The following ADCY2 variants were observed in gnomAD, a reference collection of about 807,000 sequenced individuals.
The protein encoded by ADCY2 is adenylate cyclase 2, also known as adenylate cyclase type 2.
ADCY2 carries 31 observed loss-of-function variants against 125.2 expected under a neutral mutation model. The observed-to-expected ratio is 0.25, with a 90% CI of 0.19 to 0.33. The LOEUF is 0.33. ADCY2 is among the 10% of genes least tolerant of loss of function. ADCY2 has a pLI of 1.00. For synonymous variants in ADCY2, 512 were observed against 548.4 expected (o/e 0.93, Z 0.93); for missense variants, 904 against 1,418.2 (o/e 0.64, Z 5.82).
At chr5:7,506,747 G>T in intron 2 of ADCY2, among the ~76,000 whole-genome samples, 1 of 148,574 alleles carries the variant, frequency 6.7e-6, no homozygotes, top group Non-Finnish European at 1.5e-5. Context: ...AGTGAAGTTG[G>T]AATATTTGCG....
chr5:7,743,774 T>C (rs781044487), intron 15 of ADCY2, 22 bp downstream of exon 15: 1 of 1,607,274 alleles, frequency 6.2e-7, no homozygotes, highest in South Asian at 1.1e-5. Flanking sequence ...AATGTGGCGC[T>C]TCTTTGAAAA....
chr5:7,547,160 G>C (rs1333254627), intron 3 of ADCY2, among the ~76,000 whole-genome samples: 2 of 152,182 alleles, frequency 1.3e-5, no homozygotes, highest in African/African-American at 4.8e-5. Context: ...CACACCACAA[G>C]TGGGTAAAAG....
At chr5:7,768,306 C>G (rs1413447164) in intron 17 of ADCY2, among the ~76,000 whole-genome samples, 1 of 152,174 alleles carries the variant, frequency 6.6e-6, no homozygotes, top group East Asian at 1.9e-4. Flanking sequence ...TGACTGTAAT[C>G]TCACTGTGGG....
At chr5:7,426,040 A>T (rs1001194811) in intron 2 of ADCY2, among the ~76,000 whole-genome samples, 3 of 152,170 alleles carry the variant, frequency 2.0e-5, no homozygotes, top group Non-Finnish European at 4.4e-5. Context: ...TGTGACTCAG[A>T]GGCGAGGTAG....
intron 3 of ADCY2, among the ~76,000 whole-genome samples, chr5:7,526,820 A>G (rs1734486186): frequency 6.6e-6 from 1 of 152,206 alleles, no homozygotes; most frequent in Non-Finnish European, 1.5e-5. Context: ...GATTATGAAG[A>G]CATGCTGGAA....
intron 6 of ADCY2, among the ~76,000 whole-genome samples, chr5:7,697,877 C>G (rs1740946077): frequency 6.6e-6 from 1 of 152,184 alleles, no homozygotes; most frequent in South Asian, 2.1e-4. Context: ...TCATCATTTT[C>G]TACTCTGAAA....
intron 4 of ADCY2, 111 bp from the exon 5 acceptor site, chr5:7,690,579 GA>G: frequency 1.0e-6 from 1 of 977,536 alleles, no homozygotes; most frequent in Non-Finnish European, 1.4e-6. Flanking sequence ...TAGCTTCCAG[GA>G]AAGAATTCCC....
chr5:7,629,069 C>A (rs1738225604), intron 4 of ADCY2, among the ~76,000 whole-genome samples: 1 of 151,704 alleles, frequency 6.6e-6, no homozygotes, highest in Non-Finnish European at 1.5e-5. Flanking sequence ...CTTCAAAGTT[C>A]TTCATTCCGG....
intron 3 of ADCY2, among the ~76,000 whole-genome samples, chr5:7,562,638 C>G (rs1406020414): frequency 6.6e-6 from 1 of 152,054 alleles, no homozygotes; most frequent in African/African-American, 2.4e-5. Flanking sequence ...CACAGACAGA[C>G]AGACATAGAC....
chr5:7,593,490 C>T lies in ADCY2; in HGVS notation c.571-32677C>T, dbSNP rs935175955. Among the ~76,000 whole-genome samples, 3 of 152,088 alleles carry T rather than the reference C, an allele frequency of 2.0e-5. No individual in the cohort carries two copies. In the East Asian group the frequency reaches 5.8e-4, roughly 29 times the overall value. On this transcript the variant is annotated intron_variant, in intron 3 of 24. Coordinates refer to ENST00000338316, the MANE Select transcript of ADCY2 (RefSeq NM_020546.3). ...CATGAGCGTATTCATTTCTCTCCTC[C>T]TGTAATGTCACACAGGACTTTGTTA... is the stretch of plus-strand genomic sequence containing the variant.
At chr5:7,549,774 C>G (rs918123653) in intron 3 of ADCY2, among the ~76,000 whole-genome samples, 1 of 152,138 alleles carries the variant, frequency 6.6e-6, no homozygotes, top group Non-Finnish European at 1.5e-5. Flanking sequence ...TGCAGTCCCC[C>G]GACAAGAGGC....
chr5:7,712,878 A>T lies in ADCY2; in HGVS notation c.1601A>T (p.Asn534Ile). ...TAGGATGTACCCATGGGTCAGCATA[A>T]TTTTCAAAATCGCACCTTAAGGTAT... ...STTDVPMGQH[N>I]FQNRTLRTKS... Residue 534 changes from asparagine (N) to isoleucine (I), a missense_variant, in exon 11 of 25, where the codon AAT becomes ATT. Coordinates refer to ENST00000338316, the MANE Select transcript of ADCY2 (RefSeq NM_020546.3). 2 of 1,609,706 alleles carry T rather than the reference A, an allele frequency of 1.2e-6. No individual in the cohort carries two copies. Among genetic ancestry groups the T allele is most frequent in the Non-Finnish European group, 1.7e-6 (2 of 1,176,542 alleles).
chr5:7,425,812 A>T (rs1454066083), intron 2 of ADCY2, among the ~76,000 whole-genome samples: 1 of 152,152 alleles, frequency 6.6e-6, no homozygotes, highest in Non-Finnish European at 1.5e-5. Flanking sequence ...TTATACTATC[A>T]TGGTATTTTT....
rs150938252 is a variant in ADCY2 at position 7,396,474 on chromosome 5, G to T, written c.178G>T (p.Ala60Ser). Reference sequence around the variant, plus strand: ...GCTCATCGTCATGGGCTCCTGCCTCGCCCTGCTCGCCGTCTTCTTCGCGCT... The same window carrying T: ...GCTCATCGTCATGGGCTCCTGCCTCTCCCTGCTCGCCGTCTTCTTCGCGCT... ...LLLIVMGSCL[A>S]LLAVFFALGL... The change falls in exon 1 of 25, where the codon GCC becomes TCC. Residue 60 changes from alanine to serine, a missense_variant. By Grantham distance (99) the Ala-to-Ser change is moderately conservative. Around this residue, in one of 7 missense-constraint regions of ADCY2, gnomAD observed 113 missense variants for 108.0 expected, o/e 1.05. Coordinates refer to ENST00000338316, the MANE Select transcript of ADCY2 (RefSeq NM_020546.3). This position sits in a 1 kb window ranked among gnomAD's most constrained non-coding sequence, Gnocchi z 5.7. 2.5e-6 allele frequency: 4 copies of T among 1,569,942 alleles called. No homozygotes were observed. The highest frequency in any genetic ancestry group is 2.6e-6 in the Non-Finnish European group (3 of 1,158,746).
At chr5:7,665,892 G>A (rs1739699842) in intron 4 of ADCY2, among the ~76,000 whole-genome samples, 3 of 116,576 alleles carry the variant, frequency 2.6e-5, no homozygotes, top group South Asian at 3.1e-4. Flanking sequence ...AGGCTGGAGT[G>A]CAGTGGTGCC....
At position 7,802,682 on chromosome 5, in the gene ADCY2, G is replaced by C. The variant is rs955267552; in HGVS notation, c.2775+318G>C. Among the ~76,000 whole-genome samples, 7 of 152,142 alleles carry C rather than the reference G, an allele frequency of 4.6e-5. No homozygotes were observed. The highest frequency in any genetic ancestry group is 1.0e-4 in the Non-Finnish European group (7 of 68,028). On this transcript the variant is annotated intron_variant, in intron 21 of 24. Coordinates refer to ENST00000338316, the MANE Select transcript of ADCY2 (RefSeq NM_020546.3). The surrounding 1 kb of genome is among the most constrained non-coding windows in gnomAD (Gnocchi z 4.6). The stretch of plus-strand genomic sequence containing the variant: ...TAAAATACTTGCCCATCCCTTTCTA[G>C]ATAAAAAGATAATGAATTATAATAG...
chr5:7,437,437 G>A (rs1305746489), intron 2 of ADCY2, among the ~76,000 whole-genome samples: 3 of 152,206 alleles, frequency 2.0e-5, no homozygotes, highest in African/African-American at 7.2e-5. Flanking sequence ...GCACAGGTCT[G>A]CAATCCACTG....
chr5:7,761,155 T>TTTG, intron 16 of ADCY2, among the ~76,000 whole-genome samples: 1 of 130,404 alleles, frequency 7.7e-6, no homozygotes. Flanking sequence ...TTTCTTTTTT[T>TTTG]TTTTTTTTTT....
rs982593599 is a variant in ADCY2 at position 7,447,410 on chromosome 5, C to T, written c.408+32640C>T. ...ATCCTGGCAGTGGGAAAGCAAGTCT[C>T]TTATAGGGATCCCTTCACTTCAGAA... On this transcript the variant is annotated intron_variant, in intron 2 of 24. Coordinates refer to ENST00000338316, the MANE Select transcript of ADCY2 (RefSeq NM_020546.3). Among the ~76,000 whole-genome samples the T allele has an allele frequency of 2.0e-4, 31 of 152,170 alleles. 1 individual carries two copies.
Sources: allele counts gnomAD v4.1 joint callset (sites outside exome capture counted in the v4.1 genomes callset), GRCh38; gene constraint gnomAD v4.1.1; regional missense constraint gnomAD v4.1.1; non-coding constraint Gnocchi (gnomAD v3.1); transcripts MANE v1.5; gene names NCBI Gene and HGNC (gene_info 2026-07-23, HGNC 2026-07-21).